Variants in LAD1 observed in about 807,000 individuals in gnomAD.
LAD1 encodes the protein ladinin-1.
In LAD1, 53 loss-of-function variants were observed where a neutral mutation model predicts 54.2. The ratio of observed to expected loss-of-function variants is 0.98; its 90% CI spans 0.78 to 1.23. The LOEUF is 1.23. Among genes scored for constraint, LAD1 ranks in the 50% most tolerant of loss-of-function variants. LAD1 has a pLI of 0.00. For synonymous variants in LAD1, 231 were observed against 257.7 expected, an observed-to-expected ratio of 0.90 and a Z score of 0.99; for missense variants, 637 against 653.3, an observed-to-expected ratio of 0.98 and a Z score of 0.27.
chr1:201,381,806 G>T lies in LAD1; in HGVS notation c.*82C>A. On this transcript the variant is annotated 3_prime_UTR_variant, in exon 10 of 10. Coordinates refer to ENST00000391967, the MANE Select transcript of LAD1 (RefSeq NM_005558.4). ...GGGAACAGGGACAATGAGAGGAAAG[G>T]GTGCTGCTGTGAGAGGCAGGGGCCT... is the stretch of plus-strand genomic sequence containing the variant. The T allele has an allele frequency of 7.1e-7, 1 of 1,409,832 alleles. No individual in the cohort carries two copies. Among genetic ancestry groups the T allele is most frequent in the Non-Finnish European group, 1.0e-6 (1 of 993,560 alleles). 87.3% of individuals were successfully genotyped at this position (1,409,832 alleles called of 1,614,324 possible).
At chr1:201,397,705 A>G (rs973865950) in intron 1 of LAD1, among the ~76,000 whole-genome samples, 4 of 152,164 alleles carry the variant, frequency 2.6e-5, no homozygotes, top group African/African-American at 9.7e-5. Flanking sequence ...GTTCAACTGA[A>G]CATATGCAGA....
intron 1 of LAD1, among the ~76,000 whole-genome samples, chr1:201,391,438 C>T (rs1194515920): frequency 6.6e-6 from 1 of 152,206 alleles, no homozygotes; most frequent in Non-Finnish European, 1.5e-5. Context: ...AGCCCATCTT[C>T]CATCCACCCC....
In LAD1 at chr1:201,389,306, G is replaced by A. The variant is rs952818219; in HGVS notation, c.39-3C>T. ...CCAGAGTCCTCTGCCGGGCAAGGCTGGGGGAGGGGAGGAGAGGGTCAGCAC... is the reference window on the plus strand; with the variant it reads ...CCAGAGTCCTCTGCCGGGCAAGGCTAGGGGAGGGGAGGAGAGGGTCAGCAC... On this transcript the variant is annotated splice_region_variant and splice_polypyrimidine_tract_variant and intron_variant, in intron 1 of 9. Coordinates refer to ENST00000391967, the MANE Select transcript of LAD1 (RefSeq NM_005558.4). 1.9e-6 allele frequency: 3 copies of A among 1,610,502 alleles called. No homozygotes were observed. Among genetic ancestry groups the A allele is most frequent in the African/African-American group, 2.7e-5 (2 of 74,922 alleles).
At position 201,383,336 on chromosome 1, in the gene LAD1, CT is replaced by C; in HGVS notation, c.1228del (p.Arg410AspfsTer29). 6.2e-7 allele frequency: 1 copy of C among 1,614,080 alleles called. No individual in the cohort carries two copies. The highest frequency in any genetic ancestry group is 8.5e-7 in the Non-Finnish European group (1 of 1,180,028). On this transcript the variant is annotated frameshift_variant, in exon 6 of 10. Transcript: ENST00000391967. LOFTEE classifies it high-confidence loss of function. Reference protein sequence around the residue: ...NTVKLGEKLERYHTAIRRSES... With the variant: ...NTVKLGEKLEXYHTAIRRSES... ...ACCCACCCGTATGGCCGTGTGGTATCTCTCCAGCTTCTCTCCCAACTTCACT... is the reference window on the plus strand; with the variant it reads ...ACCCACCCGTATGGCCGTGTGGTATCCTCCAGCTTCTCTCCCAACTTCACT...
intron 1 of LAD1, among the ~76,000 whole-genome samples, chr1:201,396,669 T>G (rs1321584044): frequency 7.2e-5 from 11 of 152,060 alleles, no homozygotes; most frequent in Non-Finnish European, 1.5e-5. Flanking sequence ...TTGCAAATCT[T>G]GGGGACTGGG....
At chr1:201,392,505 G>A (rs1271799438) in intron 1 of LAD1, among the ~76,000 whole-genome samples, 5 of 152,038 alleles carry the variant, frequency 3.3e-5, no homozygotes, top group Non-Finnish European at 5.9e-5. Context: ...GGTTCATGAG[G>A]AGGAGGCAGC....
rs16848494 is a variant in LAD1, at chr1:201,381,855, C to T, written c.*33G>A. 47,337 of 1,612,788 alleles carry T rather than the reference C, an allele frequency of 0.029. 1,171 individuals carry two copies. The highest frequency in any genetic ancestry group is 0.12 in the African/African-American group (9,264 of 74,938). On this transcript the variant is annotated 3_prime_UTR_variant, in exon 10 of 10. Transcript: ENST00000391967. The stretch of plus-strand genomic sequence containing the variant: ...CTGGCATGAGGGAGGTCCCTTGAGA[C>T]GAAGACTTGCAGGTCTGTCTTGGCG...
chr1:201,386,904 G>A lies in LAD1; in HGVS notation c.457C>T (p.Pro153Ser), dbSNP rs570406740. 288 of 1,613,784 alleles carry A rather than the reference G, an allele frequency of 1.8e-4. 2 individuals carry two copies. The South Asian group carries it at 2.6e-3, about 15-fold the overall frequency. The change falls in exon 3 of 10, where the codon CCC becomes TCC. Residue 153 changes from proline to serine, a missense_variant. By Grantham distance (74) the Pro-to-Ser change is moderately conservative (BLOSUM62 -1). Transcript: ENST00000391967. ...RRRLSREQRG[P>S]WALEEESLVG... ...AAGCTCTCCTCCTCCAGGGCCCAGG[G>A]GCCCCGCTGTTCCCGACTCAGTCTC... is the stretch of plus-strand genomic sequence containing the variant.
chr1:201,397,462 A>T (rs1571726603), intron 1 of LAD1: 1 of 152,360 alleles, frequency 6.6e-6, no homozygotes, highest in East Asian at 1.9e-4. Flanking sequence ...GGCTGTAGCC[A>T]CATGAGTCCA....
intron 2 of LAD1, 86 bp from the exon 3 acceptor site, chr1:201,387,264 G>A: frequency 7.3e-7 from 1 of 1,364,408 alleles, no homozygotes; most frequent in Non-Finnish European, 9.5e-7. Flanking sequence ...TGCTGCCAGG[G>A]CCACCAAGGA....
At chr1:201,386,217 A>C in intron 3 of LAD1, 118 bp downstream of exon 3, 4 of 1,022,906 alleles carry the variant, frequency 3.9e-6, no homozygotes, top group Non-Finnish European at 5.3e-6. Flanking sequence ...TTCCAAGGCC[A>C]GCCTGCAGGT....
chr1:201,393,660 G>T (rs575754675), intron 1 of LAD1, among the ~76,000 whole-genome samples: 15 of 151,472 alleles, frequency 9.9e-5, no homozygotes, highest in African/African-American at 3.6e-4. Flanking sequence ...GCAAGAAAAT[G>T]GCTAGAATCC....
chr1:201,382,975 C>T (rs1299937799), intron 7 of LAD1, 99 bp downstream of exon 7: 4 of 1,397,884 alleles, frequency 2.9e-6, no homozygotes, highest in African/African-American at 2.9e-5. Context: ...TTAATTGACA[C>T]ATGAAAACAG....
chr1:201,393,662 C>T (rs918620830), intron 1 of LAD1, among the ~76,000 whole-genome samples: 4 of 150,910 alleles, frequency 2.7e-5, no homozygotes, highest in Non-Finnish European at 5.9e-5. Context: ...AAGAAAATGG[C>T]TAGAATCCAG....
Position 201,395,947 on chromosome 1 carries a change from CA to C in LAD1, c.38+3321del, listed in dbSNP as rs144230142. On this transcript the variant is annotated intron_variant, in intron 1 of 9. Transcript: ENST00000391967. ...TGGCCCTAACCCAGAGGGAGCTCAACAGCTGAACCTTCAAGGGAGGGAACAG... is the reference window on the plus strand; with the variant it reads ...TGGCCCTAACCCAGAGGGAGCTCAACGCTGAACCTTCAAGGGAGGGAACAG... 7.9e-4 allele frequency among the ~76,000 whole-genome samples: 120 copies of C among 152,334 alleles called. 1 individual carries two copies. The highest frequency in any genetic ancestry group is 2.8e-3 in the African/African-American group (117 of 41,578).
At chr1:201,383,035 T>G (rs766035819) in intron 7 of LAD1, 39 bp downstream of exon 7, 1 of 1,584,600 alleles carries the variant, frequency 6.3e-7, no homozygotes, top group East Asian at 2.3e-5. Flanking sequence ...ACGTCAGGGC[T>G]AATCACCCTA....
intron 1 of LAD1, among the ~76,000 whole-genome samples, chr1:201,392,218 C>T (rs1662207267): frequency 6.6e-6 from 1 of 152,200 alleles, no homozygotes; most frequent in African/African-American, 2.4e-5. Context: ...TTTTCTAGGT[C>T]CAGCATCCCC....
At chr1:201,387,505 GCA>G (rs1476326763) in intron 2 of LAD1, among the ~76,000 whole-genome samples, 1 of 152,250 alleles carries the variant, frequency 6.6e-6, no homozygotes, top group East Asian at 1.9e-4. Flanking sequence ...AAAGGAATAA[GCA>G]CAGTCTCTGC....
At chr1:201,395,456 T>G (rs945370750) in intron 1 of LAD1, among the ~76,000 whole-genome samples, 1 of 152,138 alleles carries the variant, frequency 6.6e-6, no homozygotes, top group Non-Finnish European at 1.5e-5. Flanking sequence ...CCCCTGGCAT[T>G]CATCTTTACA....
Sources: allele counts gnomAD v4.1 joint callset (sites outside exome capture counted in the v4.1 genomes callset), GRCh38; gene constraint gnomAD v4.1.1; transcripts MANE v1.5; gene names NCBI Gene and HGNC (gene_info 2026-07-23, HGNC 2026-07-21).